Variants in AGAP1 observed in about 807,000 individuals in gnomAD.
The protein encoded by AGAP1 is ArfGAP with GTPase domain, ankyrin repeat and PH domain 1, also known as arf-GAP with GTPase, ANK repeat and PH domain-containing protein 1.
Under a neutral mutation model 105.3 loss-of-function variants are expected in AGAP1, and 29 were observed. The ratio of observed to expected loss-of-function variants is 0.28; its 90% CI spans 0.21 to 0.38. The LOEUF is 0.38. AGAP1 is among the 10% of genes least tolerant of loss of function. The pLI, the probability that AGAP1 is intolerant of heterozygous loss-of-function variation, is 1.00. For missense variants in AGAP1, 998 were observed against 1,165.1 expected (o/e 0.86, Z 2.09); for synonymous variants, 509 against 485.9 (o/e 1.05, Z -0.63).
intron 1 of AGAP1, among the ~76,000 whole-genome samples, chr2:235,650,906 G>A (rs543939521): frequency 9.2e-5 from 14 of 152,064 alleles, no homozygotes; most frequent in South Asian, 4.2e-4. Flanking sequence ...CTGGCCAGGC[G>A]TGGTGGCTCA....
chr2:235,554,997 A>C (rs541458203), intron 1 of AGAP1, among the ~76,000 whole-genome samples: 1 of 152,154 alleles, frequency 6.6e-6, no homozygotes, highest in African/African-American at 2.4e-5. Flanking sequence ...TTTTCAAACA[A>C]TGCTTTCTCT....
In AGAP1 at chr2:235,879,317, T is replaced by C. The variant is rs150594955; in HGVS notation, c.1051-4028T>C. On this transcript the variant is annotated intron_variant, in intron 9 of 17. Transcript: ENST00000304032. This position sits in a 1 kb window ranked among gnomAD's most constrained non-coding sequence, Gnocchi z 5.0. ...GCCCAGCTAGACCACAGCCATGACA[T>C]GGCAAGCGGGGCAGCCAAGTGGCTC... Among the ~76,000 whole-genome samples, 40 of 152,260 alleles carry C rather than the reference T, an allele frequency of 2.6e-4. No homozygotes were observed. The East Asian group carries it at 6.0e-3, about 23-fold the overall frequency.
rs1042846642 is a variant in AGAP1 at position 235,867,688 on chromosome 2, A to C, written c.1051-15657A>C. 6.6e-6 allele frequency among the ~76,000 whole-genome samples: 1 copy of C among 152,154 alleles called. No individual in the cohort carries two copies. Among genetic ancestry groups the C allele is most frequent in the African/African-American group, 2.4e-5 (1 of 41,436 alleles). ...TATCTGCAGGGTATAGCTTAGCATA[A>C]TGAGAGGGCAAAAGCAAGATGACTA... is the stretch of plus-strand genomic sequence containing the variant. On this transcript the variant is annotated intron_variant, in intron 9 of 17. Coordinates refer to ENST00000304032, the MANE Select transcript of AGAP1 (RefSeq NM_001037131.3). The surrounding 1 kb of genome is among the most constrained non-coding windows in gnomAD (Gnocchi z 5.4).
chr2:236,098,219 C>T (rs866773333), intron 16 of AGAP1, among the ~76,000 whole-genome samples: 2 of 152,132 alleles, frequency 1.3e-5, no homozygotes, highest in African/African-American at 4.8e-5. Flanking sequence ...GATTGCTGGA[C>T]TATACACTAA....
At chr2:235,876,741 GC>G (rs1402761848) in intron 9 of AGAP1, among the ~76,000 whole-genome samples, 1 of 152,096 alleles carries the variant, frequency 6.6e-6, no homozygotes, top group Non-Finnish European at 1.5e-5. Flanking sequence ...TCTTGCATCT[GC>G]GTTCTCCTTG....
intron 1 of AGAP1, among the ~76,000 whole-genome samples, chr2:235,650,779 A>AAT: frequency 6.6e-6 from 1 of 152,314 alleles, no homozygotes; most frequent in Middle Eastern, 3.4e-3. Flanking sequence ...AAACTCTAGA[A>AAT]AGACTTATTA....
At chr2:236,118,847 C>T (rs2125970250) in intron 16 of AGAP1, among the ~76,000 whole-genome samples, 2 of 151,746 alleles carry the variant, frequency 1.3e-5, no homozygotes, top group African/African-American at 4.8e-5. Context: ...TTTTTTTTCC[C>T]CTCTAGCGGT....
At chr2:235,909,688 C>T (rs2051482325) in intron 11 of AGAP1, among the ~76,000 whole-genome samples, 1 of 152,172 alleles carries the variant, frequency 6.6e-6, no homozygotes, top group South Asian at 2.1e-4. Flanking sequence ...GCAGAAAGTC[C>T]AGAACTTTCT....
chr2:235,506,429 G>A (rs1352494085), intron 1 of AGAP1, among the ~76,000 whole-genome samples: 4 of 152,042 alleles, frequency 2.6e-5, no homozygotes, highest in African/African-American at 9.7e-5. Flanking sequence ...TGAGGCAGGA[G>A]GATCACTTGA....
chr2:235,934,700 T>C lies in AGAP1; in HGVS notation c.1483+3777T>C, dbSNP rs960598658. Among the ~76,000 whole-genome samples, 1 of 151,992 alleles carries C rather than the reference T, an allele frequency of 6.6e-6. No homozygotes were observed. The highest frequency in any genetic ancestry group is 1.5e-5 in the Non-Finnish European group (1 of 68,020). On this transcript the variant is annotated intron_variant, in intron 12 of 17. Transcript: ENST00000304032. This position sits in a 1 kb window ranked among gnomAD's most constrained non-coding sequence, Gnocchi z 4.9. ...TGCCCCCACTTCCTTTTCGAATGTA[T>C]CTGCCCCCATCCCTAGTCTTTGGTT... is the stretch of plus-strand genomic sequence containing the variant.
chr2:235,651,166 CA>C (rs1947573080), intron 1 of AGAP1, among the ~76,000 whole-genome samples: 1 of 113,422 alleles, frequency 8.8e-6, no homozygotes, highest in Non-Finnish European at 1.7e-5. Flanking sequence ...GCCAGAGTGA[CA>C]GAGTGAAACT....
Position 235,716,830 on chromosome 2 carries a change from G to A in AGAP1, c.223-727G>A, listed in dbSNP as rs1699187199. Among the ~76,000 whole-genome samples the A allele has an allele frequency of 6.6e-6, 1 of 152,062 alleles. No homozygotes were observed. Among genetic ancestry groups the A allele is most frequent in the South Asian group, 2.1e-4 (1 of 4,828 alleles). On this transcript the variant is annotated intron_variant, in intron 2 of 17. Coordinates refer to ENST00000304032, the MANE Select transcript of AGAP1 (RefSeq NM_001037131.3). The surrounding 1 kb of genome is among the most constrained non-coding windows in gnomAD (Gnocchi z 4.0). ...CTTCCTGTGAAGAATCCCCTGGAAA[G>A]TCAGCCTTGCCGCCAGGTTACTGCT...
intron 9 of AGAP1, among the ~76,000 whole-genome samples, chr2:235,815,914 A>G (rs1187067484): frequency 6.6e-6 from 1 of 152,186 alleles, no homozygotes; most frequent in African/African-American, 2.4e-5. Context: ...GACCTCCTTC[A>G]GGCTGGTTTT....
At chr2:235,521,470 AT>A (rs778950496) in intron 1 of AGAP1, among the ~76,000 whole-genome samples, 19 of 152,232 alleles carry the variant, frequency 1.2e-4, no homozygotes, top group Admixed American at 4.6e-4. Context: ...ACCTATAACT[AT>A]TTTTTAATAA....
At position 236,093,433 on chromosome 2, in the gene AGAP1, G is replaced by A. The variant is rs138016315; in HGVS notation, c.2115-26759G>A. 2.3e-3 allele frequency among the ~76,000 whole-genome samples: 352 copies of A among 152,346 alleles called. 3 individuals are homozygous for A. The highest frequency in any genetic ancestry group is 0.014 in the Middle Eastern group (4 of 294). On this transcript the variant is annotated intron_variant, in intron 16 of 17. Coordinates refer to ENST00000304032, the MANE Select transcript of AGAP1 (RefSeq NM_001037131.3). Reference sequence around the variant, plus strand: ...ACAGTCTGTGCCTCCTGCTGGTGATGCAAGGGAGACGTGGCACCTCTGTAG... The same window carrying A: ...ACAGTCTGTGCCTCCTGCTGGTGATACAAGGGAGACGTGGCACCTCTGTAG...
In AGAP1 at chr2:235,967,122, C is replaced by T. The variant is rs547434787; in HGVS notation, c.1484-1340C>T. On this transcript the variant is annotated intron_variant, in intron 12 of 17. Coordinates refer to ENST00000304032, the MANE Select transcript of AGAP1 (RefSeq NM_001037131.3). This position sits in a 1 kb window ranked among gnomAD's most constrained non-coding sequence, Gnocchi z 4.7. ...CCCCCTCCTCTCCAGTGCCACCTTCCGCAGGCCTCTCCCACCCACACCGGC... is the reference window on the plus strand; with the variant it reads ...CCCCCTCCTCTCCAGTGCCACCTTCTGCAGGCCTCTCCCACCCACACCGGC... Among the ~76,000 whole-genome samples, 14 of 152,220 alleles carry T rather than the reference C, an allele frequency of 9.2e-5. No individual in the cohort carries two copies. The East Asian group carries it at 9.7e-4, about 11-fold the overall frequency.
At chr2:235,766,126 C>CT (rs1222445241) in intron 6 of AGAP1, among the ~76,000 whole-genome samples, 1 of 152,138 alleles carries the variant, frequency 6.6e-6, no homozygotes, top group Admixed American at 6.6e-5. Context: ...TGGTAGTGAG[C>CT]TAAAATAAAA....
intron 9 of AGAP1, among the ~76,000 whole-genome samples, chr2:235,818,180 A>G (rs564768697): frequency 1.1e-4 from 16 of 152,354 alleles, no homozygotes; most frequent in African/African-American, 3.6e-4. Context: ...TGCCGAGTAC[A>G]TATTGTACAT....
In AGAP1 at chr2:235,882,804, T is replaced by C. The variant is rs1002361452; in HGVS notation, c.1051-541T>C. Among the ~76,000 whole-genome samples, 1 of 151,896 alleles carries C rather than the reference T, an allele frequency of 6.6e-6. No individual in the cohort carries two copies. On this transcript the variant is annotated intron_variant, in intron 9 of 17. Transcript: ENST00000304032. The surrounding 1 kb of genome is among the most constrained non-coding windows in gnomAD (Gnocchi z 4.6). ...TAATGCAGTTTTTTTAGTTTGTTCT[T>C]TCTTTTTCTCTTTGTCTCTCCTCTC...
Sources: gnomAD v4.1 joint callset for allele counts (sites outside exome capture counted in the v4.1 genomes callset) on GRCh38, gnomAD v4.1.1 for gene constraint, Gnocchi (gnomAD v3.1) non-coding constraint, MANE v1.5 for transcripts, NCBI Gene and HGNC (gene_info 2026-07-23, HGNC 2026-07-21) for gene names.